TNFSF4: variants seen among roughly 807,000 people sequenced by gnomAD.
The protein encoded by TNFSF4 is tumor necrosis factor ligand superfamily member 4.
TNFSF4 carries 4 observed loss-of-function variants against 7.3 expected under a neutral mutation model. That is an observed-to-expected ratio of 0.55 (90% confidence interval 0.27 to 1.25). TNFSF4 has a LOEUF of 1.25. Among genes scored for constraint, TNFSF4 ranks in the 50% most tolerant of loss-of-function variants. The pLI is 0.12. For synonymous variants in TNFSF4, 76 were observed against 83.7 expected (o/e 0.91, Z 0.50); for missense variants, 181 against 208.8 (o/e 0.87, Z 0.82).
chr1:173,377,755 G>T, the TNFSF4 span, among the ~76,000 whole-genome samples: 1 of 152,154 alleles, frequency 6.6e-6, no homozygotes, highest in African/African-American at 2.4e-5. Context: ...GCCCTGCCAG[G>T]GTGGGGCACT....
chr1:173,280,758 C>T, the TNFSF4 span, among the ~76,000 whole-genome samples: 206 of 152,180 alleles, frequency 1.4e-3, 1 homozygote, highest in African/African-American at 4.6e-3. Flanking sequence ...AATTCTGTCT[C>T]ACTGAGATTA....
At chr1:173,325,895 GC>G in the TNFSF4 span, among the ~76,000 whole-genome samples, 1 of 152,198 alleles carries the variant, frequency 6.6e-6, no homozygotes, top group East Asian at 1.9e-4. Flanking sequence ...ACCAAAAAAA[GC>G]CCAGGACCAG....
At chr1:173,447,379 T>C in the TNFSF4 span, among the ~76,000 whole-genome samples, 1 of 152,040 alleles carries the variant, frequency 6.6e-6, no homozygotes, top group Non-Finnish European at 1.5e-5. Context: ...CTTATGTAAA[T>C]TATGGACTTT....
chr1:173,291,215 G>A, the TNFSF4 span, among the ~76,000 whole-genome samples: 8 of 152,192 alleles, frequency 5.3e-5, no homozygotes, highest in East Asian at 7.8e-4. Flanking sequence ...GCAAGGGTGC[G>A]GATGGGAGGA....
At chr1:173,302,214 A>G in the TNFSF4 span, among the ~76,000 whole-genome samples, 4 of 151,924 alleles carry the variant, frequency 2.6e-5, no homozygotes, top group Non-Finnish European at 5.9e-5. Context: ...AAATATAGCT[A>G]GCATTTGTGT....
chr1:173,359,677 T>G, the TNFSF4 span, among the ~76,000 whole-genome samples: 5 of 152,106 alleles, frequency 3.3e-5, no homozygotes, highest in African/African-American at 1.2e-4. Flanking sequence ...TTTTCCTTCA[T>G]GCTTCCTTCT....
chr1:173,333,192 A>T, the TNFSF4 span, among the ~76,000 whole-genome samples: 1 of 152,184 alleles, frequency 6.6e-6, no homozygotes, highest in Non-Finnish European at 1.5e-5. Context: ...GTACACAGGC[A>T]TTTTGGCAAG....
chr1:173,413,526 A>C, the TNFSF4 span, among the ~76,000 whole-genome samples: 1 of 152,214 alleles, frequency 6.6e-6, no homozygotes, highest in African/African-American at 2.4e-5. Context: ...AGCGCTCCAG[A>C]ATCACAGAGA....
At chr1:173,176,984 G>A in the TNFSF4 span, among the ~76,000 whole-genome samples, 1 of 152,090 alleles carries the variant, frequency 6.6e-6, no homozygotes, top group Admixed American at 6.6e-5. Context: ...GGTGGAGGAT[G>A]GGGGTTAGGA....
chr1:173,321,280 G>A, the TNFSF4 span, among the ~76,000 whole-genome samples: 2 of 152,146 alleles, frequency 1.3e-5, no homozygotes, highest in South Asian at 4.1e-4. Context: ...GCCATATGCA[G>A]AAAACTGAAA....
the TNFSF4 span, among the ~76,000 whole-genome samples, chr1:173,281,470 C>A: frequency 6.6e-6 from 1 of 152,092 alleles, no homozygotes; most frequent in Non-Finnish European, 1.5e-5. Context: ...ATGTGCACAA[C>A]ATATTTCATT....
At chr1:173,322,458 G>A in the TNFSF4 span, among the ~76,000 whole-genome samples, 15 of 152,158 alleles carry the variant, frequency 9.9e-5, no homozygotes, top group Non-Finnish European at 2.1e-4. Flanking sequence ...CTCCCAGCAT[G>A]AGCAATACAG....
the TNFSF4 span, among the ~76,000 whole-genome samples, chr1:173,372,420 C>T: frequency 6.6e-6 from 1 of 152,172 alleles, no homozygotes; most frequent in Admixed American, 6.5e-5. Context: ...AGACTTAAGC[C>T]TTCCCACAGG....
chr1:173,227,183 C>T, the TNFSF4 span, among the ~76,000 whole-genome samples: 2 of 151,252 alleles, frequency 1.3e-5, no homozygotes, highest in Non-Finnish European at 2.9e-5. Context: ...CTCTCAAACA[C>T]TATAAAGACA....
At chr1:173,353,389 T>G in the TNFSF4 span, among the ~76,000 whole-genome samples, 2 of 152,218 alleles carry the variant, frequency 1.3e-5, no homozygotes, top group African/African-American at 2.4e-5. Context: ...CTGTCATGGC[T>G]TCAGCAGGTC....
chr1:173,352,372 C>T, the TNFSF4 span, among the ~76,000 whole-genome samples: 6 of 152,304 alleles, frequency 3.9e-5, no homozygotes, highest in Middle Eastern at 3.4e-3. Context: ...AATATTTCAA[C>T]GTACGTTATT....
the TNFSF4 span, among the ~76,000 whole-genome samples, chr1:173,307,666 T>C: frequency 6.6e-6 from 1 of 151,846 alleles, no homozygotes; most frequent in East Asian, 1.9e-4. Flanking sequence ...CTAAAGTATT[T>C]AAAGTATTTA....
chr1:173,425,228 A>G, the TNFSF4 span, among the ~76,000 whole-genome samples: 3 of 152,222 alleles, frequency 2.0e-5, no homozygotes, highest in East Asian at 5.8e-4. Flanking sequence ...GGCTCAGTGC[A>G]GCTCAGGGAG....
chr1:173,332,186 G>A, the TNFSF4 span, among the ~76,000 whole-genome samples: 1 of 152,166 alleles, frequency 6.6e-6, no homozygotes, highest in Non-Finnish European at 1.5e-5. Flanking sequence ...CTGAGCAGAC[G>A]TTCACTGTCC....
Sources: gnomAD v4.1 joint callset for allele counts (sites outside exome capture counted in the v4.1 genomes callset) on GRCh38, gnomAD v4.1.1 for gene constraint, MANE v1.5 for transcripts, NCBI Gene and HGNC (gene_info 2026-07-23, HGNC 2026-07-21) for gene names.